IL22RA2: variants seen among roughly 807,000 people sequenced by gnomAD.
IL22RA2 encodes the protein interleukin 22 receptor subunit alpha 2.
IL22RA2 carries 39 observed loss-of-function variants against 30.7 expected under a neutral mutation model. The observed-to-expected ratio is 1.27, with a 90% confidence interval of 0.98 to 1.66. The LOEUF (loss-of-function observed/expected upper bound fraction) is 1.66. Ranked by LOEUF, IL22RA2 falls within the 40% of genes most tolerant of loss-of-function variation. The probability of loss-of-function intolerance (pLI) is 0.00; values close to 1 mark genes in which losing one functional copy is unlikely to be tolerated. For missense variants in IL22RA2, 315 were observed against 312.7 expected (o/e 1.01, Z -0.05); for synonymous variants, 103 against 105.0 (o/e 0.98, Z 0.11).
Position 137,144,682 on chromosome 6 carries a change from G to A in IL22RA2, c.*942C>T, listed in dbSNP as rs1025142346. ...CTTCCAGCTTCAAGCTGAGTTCTCT[G>A]TATGGGGTCGACCCCAGCAGTTCCC... is the stretch of plus-strand genomic sequence containing the variant. On this transcript the variant is annotated 3_prime_UTR_variant, in exon 7 of 7. Transcript: ENST00000296980. 1.1e-4 allele frequency: 17 copies of A among 152,266 alleles called. No individual in the cohort carries two copies. The highest frequency in any genetic ancestry group is 1.3e-4 in the Admixed American group (2 of 15,280). 9.4% of individuals were successfully genotyped at this position (152,266 alleles called of 1,614,324 possible). A position where few individuals can be genotyped will look rare whatever the true frequency, so the allele number is the denominator to read the frequency against.
chr6:137,156,694 G>A, intron 4 of IL22RA2, 65 bp downstream of exon 4: 1 of 1,575,286 alleles, frequency 6.3e-7, no homozygotes, highest in African/African-American at 1.3e-5. Flanking sequence ...TACAATCTTG[G>A]TCCATTTAAT....
intron 5 of IL22RA2, among the ~76,000 whole-genome samples, chr6:137,150,843 T>C (rs1272115208): frequency 6.6e-6 from 1 of 152,188 alleles, no homozygotes; most frequent in Non-Finnish European, 1.5e-5. Context: ...AGAGTTACCA[T>C]GAATTAGTTT....
chr6:137,153,623 C>T (rs76382823), intron 5 of IL22RA2, among the ~76,000 whole-genome samples: 657 of 152,226 alleles, frequency 4.3e-3, no homozygotes, highest in Non-Finnish European at 7.3e-3. Flanking sequence ...CCATTTGGAG[C>T]GCCTCATGCC....
chr6:137,156,072 A>G (rs890528513), intron 4 of IL22RA2, among the ~76,000 whole-genome samples: 2 of 152,154 alleles, frequency 1.3e-5, no homozygotes, highest in Admixed American at 6.5e-5. Context: ...AGGACTATAT[A>G]TGGAGCCCTG....
chr6:137,159,809 T>A (rs1260029035), intron 2 of IL22RA2, among the ~76,000 whole-genome samples: 1 of 152,132 alleles, frequency 6.6e-6, no homozygotes, highest in Admixed American at 6.5e-5. Flanking sequence ...TTTCTCCACC[T>A]CCTTCAAGTC....
chr6:137,147,618 T>G, intron 6 of IL22RA2, 104 bp downstream of exon 6: 2 of 937,498 alleles, frequency 2.1e-6, no homozygotes, highest in Non-Finnish European at 1.5e-6. Context: ...TAAGGAAAAG[T>G]AAGAGGAGGC....
chr6:137,145,608 T>G lies in IL22RA2; in HGVS notation c.*16A>C. On this transcript the variant is annotated 3_prime_UTR_variant, in exon 7 of 7. Coordinates refer to ENST00000296980, the MANE Select transcript of IL22RA2 (RefSeq NM_052962.3). ...GCTTTAGAATTTCCACATTGCTGAA[T>G]GCCAAATTCCACAAGTCATGGAATT... 6.3e-7 allele frequency: 1 copy of G among 1,594,902 alleles called. No homozygotes were observed. Among genetic ancestry groups the G allele is most frequent in the Non-Finnish European group, 8.5e-7 (1 of 1,169,706 alleles).
Position 137,155,065 on chromosome 6 carries a change from G to A in IL22RA2, c.348C>T (p.Leu116=). The change falls in exon 5 of 7, where the codon CTC becomes CTT. Residue 116 remains leucine (L), a synonymous_variant. Transcript: ENST00000296980. ...AGGTTTCACTGGTAAGGTCACAAGAGAGTTCTTGAGTACCCCAACAGTCTT... is the reference window on the plus strand; with the variant it reads ...AGGTTTCACTGGTAAGGTCACAAGAAAGTTCTTGAGTACCCCAACAGTCTT... ...NKEDCWGTQE[L]SCDLTSETSD... 1 of 1,612,412 alleles carries A rather than the reference G, an allele frequency of 6.2e-7. No homozygotes were observed. Among genetic ancestry groups the A allele is most frequent in the Non-Finnish European group, 8.5e-7 (1 of 1,179,112 alleles).
intron 5 of IL22RA2, among the ~76,000 whole-genome samples, chr6:137,148,225 G>A (rs527618690): frequency 6.7e-6 from 1 of 149,556 alleles, no homozygotes; most frequent in Non-Finnish European, 1.5e-5. Context: ...TCTGACTTTT[G>A]TTTGTTTGTT....
Position 137,147,785 on chromosome 6 carries a change from T to C in IL22RA2, c.579A>G (p.Val193=), listed in dbSNP as rs1778210336. ...LPYRYQKEKN[V]SIEDYYELLY... Reference sequence around the variant, plus strand: ...GTAGTTCATAGTAATCTTCTATAGATACATTTTTTTCCTTTTGGTATCTAT... The same window carrying C: ...GTAGTTCATAGTAATCTTCTATAGACACATTTTTTTCCTTTTGGTATCTAT... The change falls in exon 6 of 7, where the codon GTA becomes GTG. Residue 193 remains valine (V), a synonymous_variant. Coordinates refer to ENST00000296980, the MANE Select transcript of IL22RA2 (RefSeq NM_052962.3). 3.1e-6 allele frequency: 5 copies of C among 1,608,794 alleles called. No individual in the cohort carries two copies. Among genetic ancestry groups the C allele is most frequent in the Middle Eastern group, 1.7e-4 (1 of 6,044 alleles).
chr6:137,152,566 G>C (rs1048299959), intron 5 of IL22RA2, among the ~76,000 whole-genome samples: 1 of 152,204 alleles, frequency 6.6e-6, no homozygotes, highest in Non-Finnish European at 1.5e-5. Flanking sequence ...GGTGAGACTG[G>C]AAGGTGATAG....
At chr6:137,157,219 G>A (rs1398711110) in intron 3 of IL22RA2, among the ~76,000 whole-genome samples, 1 of 152,084 alleles carries the variant, frequency 6.6e-6, no homozygotes, top group African/African-American at 2.4e-5. Flanking sequence ...TAGATTCATG[G>A]TAAAACAGTT....
chr6:137,147,651 C>A, intron 6 of IL22RA2, 71 bp downstream of exon 6: 1 of 1,239,844 alleles, frequency 8.1e-7, no homozygotes, highest in Non-Finnish European at 1.1e-6. Flanking sequence ...GAGGACATCT[C>A]ATATGACCAC....
intron 5 of IL22RA2, among the ~76,000 whole-genome samples, chr6:137,151,876 A>T (rs997177157): frequency 6.6e-6 from 1 of 152,250 alleles, no homozygotes; most frequent in African/African-American, 2.4e-5. Context: ...TAGGATGGCT[A>T]TAGTCAAAAA....
At position 137,156,752 on chromosome 6, in the gene IL22RA2, G is replaced by C. The variant is rs1164901754; in HGVS notation, c.293+7C>G. On this transcript the variant is annotated splice_region_variant and intron_variant, in intron 4 of 6. Coordinates refer to ENST00000296980, the MANE Select transcript of IL22RA2 (RefSeq NM_052962.3). ...GGCTAGGTAATTGATAAGGAAAAGA[G>C]GTGTACTTAGCCAATGTTCTGCAGC... The C allele has an allele frequency of 1.2e-6, 2 of 1,612,736 alleles. No individual in the cohort carries two copies. The highest frequency in any genetic ancestry group is 4.5e-5 in the East Asian group (2 of 44,834).
intron 1 of IL22RA2, among the ~76,000 whole-genome samples, chr6:137,164,754 C>A (rs549132147): frequency 9.2e-5 from 14 of 152,290 alleles, no homozygotes; most frequent in African/African-American, 3.1e-4. Context: ...AATGCAGATG[C>A]CACTCTGAGA....
chr6:137,157,409 A>T (rs899796231), intron 3 of IL22RA2, among the ~76,000 whole-genome samples: 1 of 152,150 alleles, frequency 6.6e-6, no homozygotes, highest in Non-Finnish European at 1.5e-5. Flanking sequence ...TGTACATTTT[A>T]CAATCGCTAC....
At chr6:137,157,441 C>T (rs372599276) in intron 3 of IL22RA2, among the ~76,000 whole-genome samples, 12 of 150,140 alleles carry the variant, frequency 8.0e-5, no homozygotes, top group Non-Finnish European at 5.9e-5. Flanking sequence ...AGAGAGAAGT[C>T]GTAGCGGTTA....
At chr6:137,155,912 G>A (rs1166053250) in intron 4 of IL22RA2, among the ~76,000 whole-genome samples, 2 of 152,036 alleles carry the variant, frequency 1.3e-5, no homozygotes, top group African/African-American at 4.8e-5. Flanking sequence ...TGTGGTTTTG[G>A]CTGTTTGTGG....
Sources: gnomAD v4.1 joint callset for allele counts (sites outside exome capture counted in the v4.1 genomes callset) on GRCh38, gnomAD v4.1.1 for gene constraint, MANE v1.5 for transcripts, NCBI Gene and HGNC (gene_info 2026-07-23, HGNC 2026-07-21) for gene names.